Variants in RIC1 observed in about 807,000 individuals in gnomAD.
RIC1 encodes the protein guanine nucleotide exchange factor subunit RIC1.
RIC1 carries 88 observed loss-of-function variants against 169.0 expected under a neutral mutation model. The ratio of observed to expected loss-of-function variants is 0.52; its 90% CI spans 0.44 to 0.62. The LOEUF is 0.62. Among genes scored for constraint, RIC1 ranks in the 20% least tolerant of loss-of-function variants. The probability of loss-of-function intolerance (pLI) is 0.00; values close to 1 mark genes in which losing one functional copy is unlikely to be tolerated. For missense variants in RIC1, 1,877 were observed against 1,725.5 expected, an observed-to-expected ratio of 1.09 and a Z score of -1.56; for synonymous variants, 790 against 601.5, an observed-to-expected ratio of 1.31 and a Z score of -4.59.
At chr9:5,712,922 A>G (rs950383444) in intron 3 of RIC1, 1 of 152,184 alleles carries the variant, frequency 6.6e-6, no homozygotes, top group Admixed American at 6.5e-5. Context: ...GCAGGATAGA[A>G]TGGTAATAAA....
At chr9:5,745,018 A>G (rs1825296810) in intron 10 of RIC1, among the ~76,000 whole-genome samples, 1 of 152,154 alleles carries the variant, frequency 6.6e-6, no homozygotes, top group Non-Finnish European at 1.5e-5. Context: ...TTTCACCACC[A>G]AGGACCCCTT....
chr9:5,688,812 C>G (rs1466117519), intron 2 of RIC1, among the ~76,000 whole-genome samples: 3 of 152,140 alleles, frequency 2.0e-5, no homozygotes, highest in Non-Finnish European at 4.4e-5. Context: ...ACTTTGAGTA[C>G]ATGCCCACCT....
In RIC1 at chr9:5,747,411, A is replaced by G. The variant is rs371940142; in HGVS notation, c.1358A>G (p.Lys453Arg). The part of the protein sequence containing the change: ...PRSSSTHSEH[K>R]PSREKSPFAD... ...AGTTCTTCAACACACTCTGAGCATAAGCCCAGTCGAGAAAAGAGCCCATTT... is the reference window on the plus strand; with the variant it reads ...AGTTCTTCAACACACTCTGAGCATAGGCCCAGTCGAGAAAAGAGCCCATTT... Residue 453 changes from lysine (K) to arginine (R), a missense_variant, in exon 12 of 26, where the codon AAG (lysine) becomes AGG (arginine). Physicochemically the swap from Lys to Arg is conservative, Grantham distance 26. Around this residue, in one of 3 missense-constraint regions of RIC1, gnomAD observed 1,104 missense variants for 992.0 expected, o/e 1.11. Transcript: ENST00000414202. 2.5e-5 allele frequency: 41 copies of G among 1,613,986 alleles called. No homozygotes were observed. Among genetic ancestry groups the G allele is most frequent in the Non-Finnish European group, 3.5e-5 (41 of 1,179,970 alleles).
At chr9:5,757,731 CAG>C (rs909286870) in intron 17 of RIC1, among the ~76,000 whole-genome samples, 2 of 152,178 alleles carry the variant, frequency 1.3e-5, no homozygotes, top group African/African-American at 4.8e-5. Flanking sequence ...TCTGAACAGT[CAG>C]AGATTTCTGT....
intron 3 of RIC1, among the ~76,000 whole-genome samples, chr9:5,694,235 C>T (rs1821758354): frequency 6.6e-6 from 1 of 152,174 alleles, no homozygotes. Context: ...GCATCTAAAT[C>T]GTATCAAATT....
At chr9:5,633,974 T>C (rs1441120052) in intron 1 of RIC1, among the ~76,000 whole-genome samples, 1 of 152,206 alleles carries the variant, frequency 6.6e-6, no homozygotes, top group Non-Finnish European at 1.5e-5. Context: ...ATATTCCATA[T>C]ATGAGATCAT....
At chr9:5,734,782 T>G (rs1003823706) in intron 7 of RIC1, among the ~76,000 whole-genome samples, 30 of 152,346 alleles carry the variant, frequency 2.0e-4, no homozygotes, top group Admixed American at 1.6e-3. Context: ...TACCAGTAGT[T>G]GTAATCATTT....
At chr9:5,726,357 C>G (rs895444094) in intron 6 of RIC1, among the ~76,000 whole-genome samples, 2 of 152,180 alleles carry the variant, frequency 1.3e-5, no homozygotes, top group African/African-American at 2.4e-5. Flanking sequence ...TCTGTTTTAT[C>G]AGATACTAGG....
At chr9:5,682,724 A>G (rs1041471009) in intron 2 of RIC1, among the ~76,000 whole-genome samples, 3 of 152,174 alleles carry the variant, frequency 2.0e-5, no homozygotes, top group South Asian at 2.1e-4. Flanking sequence ...AGATTGGGGA[A>G]GTTCTCCTGG....
chr9:5,640,054 G>A (rs1818164840), intron 1 of RIC1, among the ~76,000 whole-genome samples: 1 of 151,942 alleles, frequency 6.6e-6, no homozygotes, highest in Admixed American at 6.6e-5. Context: ...TGGAGAGTTT[G>A]GTCCATTTGT....
At position 5,704,765 on chromosome 9, in the gene RIC1, C is replaced by T. The variant is rs143466969; in HGVS notation, c.333-9131C>T. On this transcript the variant is annotated intron_variant, in intron 3 of 25. Transcript: ENST00000414202. Reference sequence around the variant, plus strand: ...CCAAATGCAAGGCCATGACAATTTACGCCTATATTTTCTTCTATTTTTTTA... The same window carrying T: ...CCAAATGCAAGGCCATGACAATTTATGCCTATATTTTCTTCTATTTTTTTA... 7.0e-3 allele frequency among the ~76,000 whole-genome samples: 1,070 copies of T among 151,944 alleles called. 8 individuals carry two copies. The highest frequency in any genetic ancestry group is 0.01 in the Non-Finnish European group (688 of 67,958).
rs1464703517 is a variant in RIC1 at position 5,772,712 on chromosome 9, AG to A, written c.3768del (p.Pro1257LeufsTer21). The A allele has an allele frequency of 6.2e-7, 1 of 1,609,436 alleles. No homozygotes were observed. Among genetic ancestry groups the A allele is most frequent in the Non-Finnish European group, 8.5e-7 (1 of 1,178,710 alleles). ...EHISMELASK[G>X]PHKSQVQLRY... ...ACATTTCCATGGAGTTGGCCAGTAA[AG>A]GGCCTCATAAATCCCAGGTCCAGCT... On this transcript the variant is annotated frameshift_variant, in exon 24 of 26. Transcript: ENST00000414202. LOFTEE classifies it high-confidence loss of function.
At chr9:5,770,947 GTT>G (rs1431647420) in intron 23 of RIC1, among the ~76,000 whole-genome samples, 1 of 152,122 alleles carries the variant, frequency 6.6e-6, no homozygotes, top group Non-Finnish European at 1.5e-5. Flanking sequence ...ATTTGTCTGA[GTT>G]TGCAGTTTTT....
chr9:5,633,724 T>C (rs1285653232), intron 1 of RIC1, among the ~76,000 whole-genome samples: 1 of 152,178 alleles, frequency 6.6e-6, no homozygotes, highest in Non-Finnish European at 1.5e-5. Flanking sequence ...TTTTTTTGTA[T>C]GTGGGATGAG....
At position 5,774,357 on chromosome 9, in the gene RIC1, G is replaced by A. The variant is rs1017736248; in HGVS notation, c.*111G>A. Reference sequence around the variant, plus strand: ...GGAGAACTCAGTTCAGAGACTCTTCGGTAAGTATTAGTAGATTTTAACTAA... The same window carrying A: ...GGAGAACTCAGTTCAGAGACTCTTCAGTAAGTATTAGTAGATTTTAACTAA... On this transcript the variant is annotated 3_prime_UTR_variant, in exon 26 of 26. Transcript: ENST00000414202. 5.7e-5 allele frequency: 49 copies of A among 866,024 alleles called. No individual in the cohort carries two copies. Among genetic ancestry groups the A allele is most frequent in the Non-Finnish European group, 6.9e-5 (40 of 580,098 alleles). The allele number at this position is 866,024 out of a possible 1,614,324, so 53.6% of individuals were successfully genotyped here.
In RIC1 at chr9:5,720,068, T is replaced by C. The variant is rs945967632; in HGVS notation, c.441-114T>C. 5 of 719,512 alleles carry C rather than the reference T, an allele frequency of 6.9e-6. No individual in the cohort carries two copies. In the African/African-American group the frequency reaches 9.0e-5, roughly 13 times the overall value. The allele number at this position is 719,512 out of a possible 1,614,324, so 44.6% of individuals were successfully genotyped here. On this transcript the variant is annotated intron_variant, in intron 4 of 25. Transcript: ENST00000414202. The stretch of plus-strand genomic sequence containing the variant: ...AAAGTTGCAGATAAATGGAGATGTT[T>C]TGTAAATGGTTTCATGATCATTTTT...
intron 3 of RIC1, among the ~76,000 whole-genome samples, chr9:5,708,817 T>G (rs552502799): frequency 4.0e-4 from 61 of 152,268 alleles, no homozygotes; most frequent in African/African-American, 1.4e-3. Flanking sequence ...TTTCTTCATA[T>G]ATTCTCTTTT....
intron 1 of RIC1, among the ~76,000 whole-genome samples, chr9:5,640,313 CTGAT>C (rs771168822): frequency 2.8e-4 from 43 of 152,164 alleles, no homozygotes; most frequent in Non-Finnish European, 5.7e-4. Flanking sequence ...CAACTTAACA[CTGAT>C]TGTATAAGCA....
intron 2 of RIC1, among the ~76,000 whole-genome samples, chr9:5,657,534 C>T (rs917126004): frequency 3.3e-5 from 5 of 152,124 alleles, no homozygotes; most frequent in Non-Finnish European, 5.9e-5. Context: ...GAAAAATTGT[C>T]TTATCCAAGG....
Sources: gnomAD v4.1 joint callset for allele counts (sites outside exome capture counted in the v4.1 genomes callset) on GRCh38, gnomAD v4.1.1 for gene constraint, gnomAD v4.1.1 regional missense constraint, MANE v1.5 for transcripts, NCBI Gene and HGNC (gene_info 2026-07-23, HGNC 2026-07-21) for gene names.